The following HMGA2 variants were observed in gnomAD, a reference collection of about 807,000 sequenced individuals.
HMGA2 encodes high mobility group AT-hook 2.
HMGA2 carries 8 observed loss-of-function variants against 19.1 expected under a neutral mutation model. That is an observed-to-expected ratio of 0.42 (90% CI 0.25 to 0.76). The LOEUF is 0.76. HMGA2 is among the 30% of genes least tolerant of loss of function. The pLI, the probability that HMGA2 is intolerant of heterozygous loss-of-function variation, is 0.28. For missense variants in HMGA2, 109 were observed against 136.3 expected (o/e 0.80, Z 1.00); for synonymous variants, 60 against 48.8 (o/e 1.23, Z -0.96).
intron 3 of HMGA2, among the ~76,000 whole-genome samples, chr12:65,849,155 C>T (rs902572949): frequency 2.6e-5 from 4 of 152,204 alleles, no homozygotes; most frequent in African/African-American, 9.7e-5. Flanking sequence ...AGCTGATCCT[C>T]GAGTGTAATT....
chr12:65,960,453 C>T (rs939152007), intron 4 of HMGA2, among the ~76,000 whole-genome samples: 1 of 152,260 alleles, frequency 6.6e-6, no homozygotes, highest in Admixed American at 6.5e-5. Context: ...GCACACTTGT[C>T]GTACAGAATC....
intron 3 of HMGA2, chr12:65,842,596 G>A (rs1361631689): frequency 1.3e-6 from 2 of 1,534,642 alleles, no homozygotes; most frequent in Admixed American, 3.9e-5. Context: ...TTAAGGAGGA[G>A]TTTTACATTG....
intron 4 of HMGA2, chr12:65,957,865 C>A (rs537580579): frequency 2.6e-5 from 4 of 152,304 alleles, no homozygotes; most frequent in African/African-American, 9.6e-5. Flanking sequence ...ATTTTACTTT[C>A]CTCTGGGGAC....
In HMGA2 at chr12:65,961,668, AAG is replaced by A. The variant is rs551034577; in HGVS notation, c.283-1573_283-1572del. On this transcript the variant is annotated intron_variant, in intron 4 of 4. Transcript: ENST00000403681. Reference sequence around the variant, plus strand: ...ACAGCTCGCTCAGTCTTCGGGGGGAAAGAGAATATTTGAAACCTTTTGCAAAG... The same window carrying A: ...ACAGCTCGCTCAGTCTTCGGGGGGAAAGAATATTTGAAACCTTTTGCAAAG... 1.7e-4 allele frequency among the ~76,000 whole-genome samples: 26 copies of A among 152,262 alleles called. No homozygotes were observed. The East Asian group carries it at 5.0e-3, about 29-fold the overall frequency.
At chr12:65,946,452 C>T (rs1287311780) in intron 3 of HMGA2, among the ~76,000 whole-genome samples, 2 of 152,132 alleles carry the variant, frequency 1.3e-5, no homozygotes, top group African/African-American at 4.8e-5. Context: ...CAACTTGAGA[C>T]CCTTTACATA....
At chr12:65,831,176 T>TTATGC (rs1397455388) in intron 2 of HMGA2, 3 of 151,914 alleles carry the variant, frequency 2.0e-5, no homozygotes, top group Non-Finnish European at 1.5e-5. Flanking sequence ...TTTTGTTTTG[T>TTATGC]TTTGCTTTGC....
chr12:65,863,271 T>C (rs1014595883), intron 3 of HMGA2, among the ~76,000 whole-genome samples: 1 of 152,266 alleles, frequency 6.6e-6, no homozygotes, highest in Admixed American at 6.5e-5. Context: ...TTACTAAAAC[T>C]GTTAAGCCAA....
chr12:65,933,275 C>T (rs773326646), intron 3 of HMGA2, among the ~76,000 whole-genome samples: 2 of 152,100 alleles, frequency 1.3e-5, no homozygotes, highest in Non-Finnish European at 2.9e-5. Context: ...AACATGGTCT[C>T]TTCATATACA....
At position 65,909,205 on chromosome 12, in the gene HMGA2, C is replaced by A. The variant is rs1159859924; in HGVS notation, c.250-42178C>A. On this transcript the variant is annotated intron_variant, in intron 3 of 4. Transcript: ENST00000403681. ...ATGTAAGTCCCATACCTGGGAGCCA[C>A]AATACTTTCAAAAGTGCACATCAAA... Among the ~76,000 whole-genome samples the A allele has an allele frequency of 2.0e-5, 3 of 152,280 alleles. No homozygotes were observed. The South Asian group carries it at 6.2e-4, about 32-fold the overall frequency.
intron 3 of HMGA2, among the ~76,000 whole-genome samples, chr12:65,847,137 G>C (rs1188912681): frequency 6.6e-6 from 1 of 152,044 alleles, no homozygotes; most frequent in African/African-American, 2.4e-5. Context: ...TGTGCTATGT[G>C]CTGTGTGCCT....
Position 65,888,814 on chromosome 12 carries a change from C to T in HMGA2, c.249+50245C>T, listed in dbSNP as rs192945503. 2.4e-3 allele frequency among the ~76,000 whole-genome samples: 365 copies of T among 150,348 alleles called. 1 individual carries two copies. The highest frequency in any genetic ancestry group is 0.011 in the Middle Eastern group (3 of 280). On this transcript the variant is annotated intron_variant, in intron 3 of 4. Coordinates refer to ENST00000403681, the MANE Select transcript of HMGA2 (RefSeq NM_003483.6). ...TCCTGACCTCGTGATCCGCCCGCCT[C>T]GGCCTTCCAAAGTGCTGGGATTACA...
intron 3 of HMGA2, among the ~76,000 whole-genome samples, chr12:65,877,777 G>GT (rs971782514): frequency 4.2e-4 from 61 of 146,552 alleles, no homozygotes; most frequent in Non-Finnish European, 2.7e-4. Flanking sequence ...GACCTGCCTG[G>GT]TTTTTTTTTT....
chr12:65,848,197 T>A (rs550673919), intron 3 of HMGA2, among the ~76,000 whole-genome samples: 3 of 152,348 alleles, frequency 2.0e-5, no homozygotes, highest in Middle Eastern at 3.4e-3. Context: ...CTTAGAAGGA[T>A]TTTTGTCACA....
intron 3 of HMGA2, among the ~76,000 whole-genome samples, chr12:65,863,511 G>T (rs1288673021): frequency 1.3e-5 from 2 of 152,242 alleles, no homozygotes; most frequent in African/African-American, 4.8e-5. Flanking sequence ...CTGTAAAGAG[G>T]AGTACAGTGT....
intron 3 of HMGA2, among the ~76,000 whole-genome samples, chr12:65,909,456 T>C (rs567839405): frequency 1.6e-4 from 25 of 152,356 alleles, no homozygotes; most frequent in African/African-American, 6.0e-4. Context: ...CAGGCATATT[T>C]TGAATTTTTC....
intron 4 of HMGA2, among the ~76,000 whole-genome samples, chr12:65,959,062 T>G (rs1876678692): frequency 6.6e-6 from 1 of 152,218 alleles, no homozygotes; most frequent in African/African-American, 2.4e-5. Flanking sequence ...CTCTTAGCAT[T>G]AAATATTGAA....
rs569242330 is a variant in HMGA2, at chr12:65,900,295, T to C, written c.250-51088T>C. 3.9e-5 allele frequency among the ~76,000 whole-genome samples: 6 copies of C among 152,274 alleles called. No homozygotes were observed. The South Asian group carries it at 1.2e-3, about 32-fold the overall frequency. ...GCACTCTAAATTTGTACATGAAGAT[T>C]TTGTTAAGAAAATACTAGATCTTAC... On this transcript the variant is annotated intron_variant, in intron 3 of 4. Transcript: ENST00000403681.
At chr12:65,850,360 T>G (rs1871408219) in intron 3 of HMGA2, among the ~76,000 whole-genome samples, 1 of 152,152 alleles carries the variant, frequency 6.6e-6, no homozygotes. Context: ...TACAGGAAAC[T>G]AATTCACACT....
At chr12:65,886,461 G>A (rs933084957) in intron 3 of HMGA2, among the ~76,000 whole-genome samples, 1 of 151,468 alleles carries the variant, frequency 6.6e-6, no homozygotes, top group African/African-American at 2.4e-5. Flanking sequence ...CCAGGTTCAA[G>A]CGATTCTCCT....
Sources: allele counts gnomAD v4.1 joint callset (sites outside exome capture counted in the v4.1 genomes callset), GRCh38; gene constraint gnomAD v4.1.1; transcripts MANE v1.5; gene names NCBI Gene and HGNC (gene_info 2026-07-23, HGNC 2026-07-21).